Variants in SCNN1B observed in about 807,000 individuals in gnomAD.
SCNN1B encodes epithelial sodium channel subunit beta.
In SCNN1B, 46 loss-of-function variants were observed where a neutral mutation model predicts 65.3. That is an observed-to-expected ratio of 0.70 (90% CI 0.56 to 0.90). The LOEUF is 0.90. Ranked by LOEUF, SCNN1B falls within the 40% of genes least tolerant of loss-of-function variation. The pLI, the probability that SCNN1B is intolerant of heterozygous loss-of-function variation, is 0.00. For synonymous variants in SCNN1B, 349 were observed against 330.6 expected (o/e 1.06, Z -0.60); for missense variants, 751 against 830.5 (o/e 0.90, Z 1.18).
chr16:23,375,302 G>A (rs1376401850), intron 7 of SCNN1B, among the ~76,000 whole-genome samples: 1 of 152,160 alleles, frequency 6.6e-6, no homozygotes, highest in Admixed American at 6.5e-5. Context: ...TGGGAGGAAG[G>A]AGCACAGAGC....
chr16:23,380,161 G>A lies in SCNN1B; in HGVS notation c.1534G>A (p.Ala512Thr), dbSNP rs1254884506. 10 of 1,613,896 alleles carry A rather than the reference G, an allele frequency of 6.2e-6. No homozygotes were observed. The highest frequency in any genetic ancestry group is 8.5e-6 in the Non-Finnish European group (10 of 1,179,790). Residue 512 changes from alanine to threonine, a missense_variant, in exon 12 of 13, where the codon GCC becomes ACC. Physicochemically the swap from Ala to Thr is moderately conservative, Grantham distance 58. Transcript: ENST00000343070. The surrounding 1 kb of genome is among the most constrained non-coding windows in gnomAD (Gnocchi z 5.4). Reference sequence around the variant, plus strand: ...CTATCGCACCATTGAAGAATCAGCAGCCAATAACGTGAGTTTAGGAGTCTC... The same window carrying A: ...CTATCGCACCATTGAAGAATCAGCAACCAATAACGTGAGTTTAGGAGTCTC... ...FNYRTIEESA[A>T]NNIVWLLSNL...
chr16:23,286,807 G>A (rs1369169600), intron 2 of SCNN1B, among the ~76,000 whole-genome samples: 1 of 152,080 alleles, frequency 6.6e-6, no homozygotes, highest in Non-Finnish European at 1.5e-5. Flanking sequence ...ATCAAGCCAG[G>A]AGCCTGATTA....
At chr16:23,317,931 A>G (rs1961507311) in intron 1 of SCNN1B, among the ~76,000 whole-genome samples, 1 of 152,188 alleles carries the variant, frequency 6.6e-6, no homozygotes, top group Non-Finnish European at 1.5e-5. Flanking sequence ...AGTCTGCACA[A>G]CCACACAGGG....
intron 1 of SCNN1B, among the ~76,000 whole-genome samples, chr16:23,305,625 C>T (rs2141980523): frequency 7.4e-6 from 1 of 135,226 alleles, no homozygotes; most frequent in East Asian, 2.2e-4. Flanking sequence ...CATGTACCTA[C>T]AGTCCCAGCT....
intron 4 of SCNN1B, among the ~76,000 whole-genome samples, chr16:23,359,616 C>T (rs140185081): frequency 6.6e-6 from 1 of 152,178 alleles, no homozygotes; most frequent in African/African-American, 2.4e-5. Context: ...CCCTCTCTCT[C>T]TGACTCCATC....
intron 4 of SCNN1B, among the ~76,000 whole-genome samples, chr16:23,367,086 T>A (rs1428743344): frequency 2.0e-5 from 3 of 152,266 alleles, no homozygotes; most frequent in African/African-American, 7.2e-5. Context: ...CTCTTCTGTG[T>A]CTTCTAAGGA....
intron 4 of SCNN1B, among the ~76,000 whole-genome samples, chr16:23,359,879 C>A (rs1377151893): frequency 6.6e-6 from 1 of 152,198 alleles, no homozygotes; most frequent in South Asian, 2.1e-4. Context: ...ATGCCTGGCA[C>A]ATAGTAAACA....
At chr16:23,347,572 T>C (rs1044950883) in intron 1 of SCNN1B, among the ~76,000 whole-genome samples, 4 of 152,232 alleles carry the variant, frequency 2.6e-5, no homozygotes, top group African/African-American at 9.6e-5. Context: ...AAAATGCTTC[T>C]AATATTAAAC....
rs543275556 is a variant in SCNN1B at position 23,315,266 on chromosome 16, G to A, written c.-9+12829G>A. ...GCAGGAGAATCGCTTGAACCTGGGA[G>A]GCAGAGGTTGCAGTGAGCCAAGATC... On this transcript the variant is annotated intron_variant, in intron 1 of 12. Transcript: ENST00000343070. Among the ~76,000 whole-genome samples, 3 of 152,222 alleles carry A rather than the reference G, an allele frequency of 2.0e-5. No individual in the cohort carries two copies. In the East Asian group the frequency reaches 5.8e-4, roughly 29 times the overall value.
Position 23,375,680 on chromosome 16 carries a change from T to C in SCNN1B, c.1153-58T>C, listed in dbSNP as rs997258292. On this transcript the variant is annotated intron_variant, in intron 7 of 12. Transcript: ENST00000343070. ...TCTCTGGACACCCCTGGTGCTGGAA[T>C]GGGGACATCACTGACCATGCCTGTG... 37 of 1,213,220 alleles carry C rather than the reference T, an allele frequency of 3.0e-5. No homozygotes were observed. The Middle Eastern group carries it at 7.5e-4, about 24-fold the overall frequency. The allele number at this position is 1,213,220 out of a possible 1,614,324, so 75.2% of individuals were successfully genotyped here.
chr16:23,325,391 C>T (rs992591299), intron 1 of SCNN1B, among the ~76,000 whole-genome samples: 6 of 152,004 alleles, frequency 3.9e-5, no homozygotes, highest in Admixed American at 1.3e-4. Context: ...CTCAGCCTCC[C>T]GAGTTTTTGG....
intron 4 of SCNN1B, among the ~76,000 whole-genome samples, chr16:23,357,035 G>T (rs1048801944): frequency 6.6e-6 from 1 of 152,102 alleles, no homozygotes; most frequent in Non-Finnish European, 1.5e-5. Context: ...CACCCACCTC[G>T]GCCCCACCCC....
At chr16:23,313,813 T>A (rs1255964829) in intron 1 of SCNN1B, among the ~76,000 whole-genome samples, 4 of 152,202 alleles carry the variant, frequency 2.6e-5, no homozygotes, top group Non-Finnish European at 5.9e-5. Flanking sequence ...GGTTTCTCCA[T>A]GTTGGCCAGG....
At chr16:23,323,961 A>G (rs1961640288) in intron 1 of SCNN1B, among the ~76,000 whole-genome samples, 1 of 152,338 alleles carries the variant, frequency 6.6e-6, no homozygotes, top group African/African-American at 2.4e-5. Context: ...AATGAATTAC[A>G]GTAGCCAACC....
In SCNN1B at chr16:23,355,496, G is replaced by T. The variant is rs1962401043; in HGVS notation, c.776+7G>T. The T allele has an allele frequency of 6.2e-7, 1 of 1,613,804 alleles. No individual in the cohort carries two copies. The highest frequency in any genetic ancestry group is 8.5e-7 in the Non-Finnish European group (1 of 1,179,958). On this transcript the variant is annotated splice_region_variant and intron_variant, in intron 4 of 12. Transcript: ENST00000343070. Reference sequence around the variant, plus strand: ...CTGAGCCCTGCAACTACCGGTGAGAGCCACCCCAAGCCCACCCGGCCAGGC... The same window carrying T: ...CTGAGCCCTGCAACTACCGGTGAGATCCACCCCAAGCCCACCCGGCCAGGC...
chr16:23,331,768 G>T (rs1239326061), intron 1 of SCNN1B, among the ~76,000 whole-genome samples: 2 of 152,250 alleles, frequency 1.3e-5, no homozygotes, highest in East Asian at 3.9e-4. Flanking sequence ...CACCAGCACA[G>T]CTCAGAATTA....
chr16:23,300,279 G>T (rs1012303289), upstream of SCNN1B, among the ~76,000 whole-genome samples: 3 of 151,880 alleles, frequency 2.0e-5, no homozygotes, highest in African/African-American at 4.8e-5. Flanking sequence ...ACCATGGCAC[G>T]TGTATACCTG....
At chr16:23,338,112 C>T (rs908607889) in intron 1 of SCNN1B, among the ~76,000 whole-genome samples, 2 of 152,184 alleles carry the variant, frequency 1.3e-5, no homozygotes, top group African/African-American at 4.8e-5. Flanking sequence ...TCATTTAATA[C>T]ATTTCCTGCA....
At chr16:23,321,949 C>T (rs1054870772) in intron 1 of SCNN1B, among the ~76,000 whole-genome samples, 9 of 152,028 alleles carry the variant, frequency 5.9e-5, no homozygotes, top group Middle Eastern at 3.2e-3. Context: ...CGCTTGAGCC[C>T]GGGAGGCAAA....
Sources: gnomAD v4.1 joint callset for allele counts (sites outside exome capture counted in the v4.1 genomes callset) on GRCh38, gnomAD v4.1.1 for gene constraint, Gnocchi (gnomAD v3.1) non-coding constraint, MANE v1.5 for transcripts, NCBI Gene and HGNC (gene_info 2026-07-23, HGNC 2026-07-21) for gene names.